MERTK: variants seen among roughly 807,000 people sequenced by gnomAD.
MERTK encodes the protein tyrosine-protein kinase Mer.
MERTK carries 69 observed loss-of-function variants against 99.3 expected under a neutral mutation model. That is an observed-to-expected ratio of 0.70 (90% CI 0.57 to 0.85). The LOEUF (loss-of-function observed/expected upper bound fraction) is 0.85, where lower values mean the gene tolerates loss of function less well. Among genes scored for constraint, MERTK ranks in the 40% least tolerant of loss-of-function variants. MERTK has a pLI of 0.00. For synonymous variants in MERTK, 426 were observed against 467.6 expected, an observed-to-expected ratio of 0.91 and a Z score of 1.15; for missense variants, 1,125 against 1,249.4, an observed-to-expected ratio of 0.90 and a Z score of 1.50.
rs1676909629 is a variant in MERTK, at chr2:112,003,397, A to G, written c.1786+210A>G. 4 of 440,256 alleles carry G rather than the reference A, an allele frequency of 9.1e-6. No homozygotes were observed. In the South Asian group the frequency reaches 1.2e-4, roughly 13 times the overall value. 27.3% of individuals were successfully genotyped at this position (440,256 alleles called of 1,614,324 possible). ...AAAGATTCTCTTCAATGCCTAGCAC[A>G]TACAGGTCCTTGAAAAATATTAATT... is the stretch of plus-strand genomic sequence containing the variant. On this transcript the variant is annotated intron_variant, in intron 12 of 18. Coordinates refer to ENST00000295408, the MANE Select transcript of MERTK (RefSeq NM_006343.3).
intron 2 of MERTK, among the ~76,000 whole-genome samples, chr2:111,932,926 G>A (rs1250634776): frequency 6.6e-6 from 1 of 152,098 alleles, no homozygotes; most frequent in East Asian, 1.9e-4. Context: ...GGTCAGGGAG[G>A]GGTTTGGAGT....
chr2:111,923,326 G>T (rs1421110794), intron 1 of MERTK, among the ~76,000 whole-genome samples: 3 of 152,224 alleles, frequency 2.0e-5, no homozygotes, highest in Non-Finnish European at 1.5e-5. Flanking sequence ...GAAAGATGAT[G>T]GAGACAAAAG....
At chr2:111,947,269 T>TCCA in intron 3 of MERTK, 125 bp from the exon 4 acceptor site, 1 of 635,404 alleles carries the variant, frequency 1.6e-6, no homozygotes, top group South Asian at 1.5e-5. Context: ...CAAGACTCCA[T>TCCA]CCCCACCCGC....
intron 2 of MERTK, among the ~76,000 whole-genome samples, chr2:111,935,544 G>A (rs1684748914): frequency 6.6e-6 from 1 of 152,002 alleles, no homozygotes; most frequent in African/African-American, 2.4e-5. Flanking sequence ...GGACATTTAA[G>A]TACGAATCCC....
chr2:111,994,525 T>C (rs1676695361), intron 9 of MERTK, 121 bp downstream of exon 9: 1 of 1,402,956 alleles, frequency 7.1e-7, no homozygotes, highest in African/African-American at 1.4e-5. Context: ...GCTGGGCTTA[T>C]CTCAACACTT....
chr2:111,944,429 A>C (rs887648139), intron 2 of MERTK, among the ~76,000 whole-genome samples: 9 of 190 alleles, frequency 0.047, no homozygotes, highest in African/African-American at 0.3. Flanking sequence ...AGAAAGAGGA[A>C]TTATTTTAAG....
chr2:111,966,702 A>G (rs1685363564), intron 5 of MERTK, among the ~76,000 whole-genome samples: 1 of 152,156 alleles, frequency 6.6e-6, no homozygotes, highest in African/African-American at 2.4e-5. Flanking sequence ...TTACTATGGT[A>G]TATGTGGTCA....
chr2:111,939,518 A>G (rs561990090), intron 2 of MERTK, among the ~76,000 whole-genome samples: 14 of 151,966 alleles, frequency 9.2e-5, no homozygotes, highest in Admixed American at 1.3e-4. Context: ...GTCTCACTCT[A>G]TCTTCCAGGC....
chr2:112,007,126 C>T (rs1490381785), intron 13 of MERTK, among the ~76,000 whole-genome samples: 3 of 152,064 alleles, frequency 2.0e-5, no homozygotes, highest in Non-Finnish European at 4.4e-5. Context: ...TGTTATACAA[C>T]CATCACTACC....
chr2:111,976,402 G>A (rs575436023), intron 7 of MERTK, among the ~76,000 whole-genome samples: 88 of 152,256 alleles, frequency 5.8e-4, no homozygotes, highest in African/African-American at 2.1e-3. Context: ...AAGGAGGGCG[G>A]GAAGAGGTCA....
intron 9 of MERTK, chr2:111,997,086 G>A: frequency 1.5e-6 from 1 of 660,286 alleles, no homozygotes; most frequent in Non-Finnish European, 2.8e-6. Flanking sequence ...GTGGAGTACA[G>A]TGTGACATTT....
intron 1 of MERTK, among the ~76,000 whole-genome samples, chr2:111,899,336 G>GA (rs1469133884): frequency 4.6e-5 from 7 of 152,182 alleles, no homozygotes; most frequent in Non-Finnish European, 7.3e-5. Context: ...GGGCCAGGGG[G>GA]GGACGGCAGT....
intron 1 of MERTK, among the ~76,000 whole-genome samples, chr2:111,911,619 C>T (rs1159869366): frequency 2.0e-5 from 3 of 150,946 alleles, no homozygotes; most frequent in African/African-American, 4.9e-5. Flanking sequence ...GAACTCCTGA[C>T]CTCCAGTGTG....
intron 6 of MERTK, among the ~76,000 whole-genome samples, chr2:111,973,638 C>G (rs1388142850): frequency 1.3e-5 from 2 of 152,078 alleles, no homozygotes; most frequent in Admixed American, 1.3e-4. Context: ...AGGATTTTTC[C>G]CAAATTGCTC....
intron 4 of MERTK, among the ~76,000 whole-genome samples, chr2:111,958,810 GGATCC>G (rs1349420361): frequency 4.6e-5 from 7 of 152,174 alleles, no homozygotes; most frequent in African/African-American, 1.7e-4. Flanking sequence ...TGCTACTATA[GGATCC>G]TACTATAGGT....
chr2:112,028,844 G>C lies in MERTK; in HGVS notation c.2980G>C (p.Gly994Arg). Reference protein sequence around the residue: ...ELLFADDSSEGSEVLM With the variant: ...ELLFADDSSERSEVLM The stretch of plus-strand genomic sequence containing the variant: ...TTTGTTTGCTGACGACTCCTCAGAA[G>C]GCTCAGAAGTCCTGATGTGAGGAGA... The change falls in exon 19 of 19, where the codon GGC becomes CGC. Residue 994 changes from glycine (G) to arginine (R), a missense_variant. Transcript: ENST00000295408. 6.2e-7 allele frequency: 1 copy of C among 1,613,930 alleles called. No individual in the cohort carries two copies. Among genetic ancestry groups the C allele is most frequent in the Non-Finnish European group, 8.5e-7 (1 of 1,180,026 alleles).
intron 4 of MERTK, among the ~76,000 whole-genome samples, chr2:111,951,533 A>ATATATATATATATATATATC (rs1685055897): frequency 8.1e-6 from 1 of 123,040 alleles, no homozygotes; most frequent in Non-Finnish European, 1.8e-5. Flanking sequence ...ATATATATAT[A>ATATATATATATATATATATC]TATATATATA....
intron 7 of MERTK, among the ~76,000 whole-genome samples, chr2:111,981,560 A>G (rs1209812217): frequency 6.6e-6 from 1 of 152,190 alleles, no homozygotes; most frequent in Non-Finnish European, 1.5e-5. Context: ...ATTTGTCACT[A>G]TTATGCTGCA....
intron 6 of MERTK, among the ~76,000 whole-genome samples, chr2:111,971,500 C>T (rs1573610713): frequency 2.0e-5 from 3 of 151,826 alleles, no homozygotes; most frequent in South Asian, 4.2e-4. Context: ...ATAAGGTTTT[C>T]GTTGTTGTTG....
Sources: allele counts gnomAD v4.1 joint callset (sites outside exome capture counted in the v4.1 genomes callset), GRCh38; gene constraint gnomAD v4.1.1; transcripts MANE v1.5; gene names NCBI Gene and HGNC (gene_info 2026-07-23, HGNC 2026-07-21).